PPARD: variants seen among roughly 807,000 people sequenced by gnomAD.
PPARD encodes the protein peroxisome proliferator activated receptor delta.
PPARD carries 6 observed loss-of-function variants against 39.5 expected under a neutral mutation model. The observed-to-expected ratio is 0.15, with a 90% CI of 0.08 to 0.30. The LOEUF is 0.30. Among genes scored for constraint, PPARD ranks in the 10% least tolerant of loss-of-function variants. PPARD has a pLI of 1.00. For synonymous variants in PPARD, 210 were observed against 231.3 expected (o/e 0.91, Z 0.83); for missense variants, 397 against 596.8 (o/e 0.67, Z 3.49).
intron 2 of PPARD, among the ~76,000 whole-genome samples, chr6:35,350,970 C>T (rs561688129): frequency 9.2e-5 from 14 of 151,506 alleles, no homozygotes; most frequent in South Asian, 2.1e-4. Flanking sequence ...TATTATAAAA[C>T]AGCATTCTCA....
chr6:35,402,739 A>G (rs1764785641), intron 2 of PPARD, among the ~76,000 whole-genome samples: 1 of 152,076 alleles, frequency 6.6e-6, no homozygotes, highest in Non-Finnish European at 1.5e-5. Flanking sequence ...TGTCCTTAAG[A>G]GGGTGGGGTG....
intron 2 of PPARD, among the ~76,000 whole-genome samples, chr6:35,365,642 C>T (rs1005015780): frequency 4.0e-5 from 6 of 151,426 alleles, no homozygotes; most frequent in African/African-American, 9.8e-5. Context: ...AGGCATGTGC[C>T]ATCATGCCCA....
intron 2 of PPARD, among the ~76,000 whole-genome samples, chr6:35,397,270 G>A (rs980196874): frequency 6.7e-6 from 1 of 149,922 alleles, no homozygotes; most frequent in Non-Finnish European, 1.5e-5. Flanking sequence ...CTCAGCAAGA[G>A]GATTGTATAG....
intron 2 of PPARD, among the ~76,000 whole-genome samples, chr6:35,389,778 A>G (rs1294099126): frequency 6.6e-6 from 1 of 152,262 alleles, no homozygotes; most frequent in Non-Finnish European, 1.5e-5. Context: ...GTAAAATGCA[A>G]TAGCAAGAAA....
intron 2 of PPARD, among the ~76,000 whole-genome samples, chr6:35,357,806 G>A (rs770208394): frequency 6.6e-6 from 1 of 152,138 alleles, no homozygotes; most frequent in Non-Finnish European, 1.5e-5. Context: ...CAAAGTGCTA[G>A]TATTACAGTC....
chr6:35,360,306 AAG>A lies in PPARD; in HGVS notation c.-102+13160_-102+13161del, dbSNP rs555805374. ...AACAGCTTCAGTCTGGTGAAGTGAA[AAG>A]AGAAAAGTTGGCCCAGATGTGCACA... On this transcript the variant is annotated intron_variant, in intron 2 of 7. Coordinates refer to ENST00000360694, the MANE Select transcript of PPARD (RefSeq NM_006238.5). Among the ~76,000 whole-genome samples, 31 of 152,322 alleles carry A rather than the reference AAG, an allele frequency of 2.0e-4. 1 individual carries two copies. The East Asian group carries it at 5.6e-3, about 27-fold the overall frequency.
intron 2 of PPARD, among the ~76,000 whole-genome samples, chr6:35,392,142 G>A (rs994769691): frequency 1.3e-5 from 2 of 152,052 alleles, no homozygotes; most frequent in African/African-American, 2.4e-5. Flanking sequence ...ATGGGCCAGT[G>A]CCAGCACCAG....
chr6:35,342,890 G>A (rs1279925531), intron 1 of PPARD, among the ~76,000 whole-genome samples: 1 of 152,098 alleles, frequency 6.6e-6, no homozygotes, highest in Non-Finnish European at 1.5e-5. Context: ...TAGGCGCCCC[G>A]CTGACCCTGC....
At position 35,410,975 on chromosome 6, in the gene PPARD, T is replaced by C; in HGVS notation, c.-101-12T>C. The stretch of plus-strand genomic sequence containing the variant: ...CCTCCCCTGACCTCTTCCTGTCTTC[T>C]CCTCTGCCCAGGCTGATGGGAACCA... On this transcript the variant is annotated splice_polypyrimidine_tract_variant and intron_variant, in intron 2 of 7. Coordinates refer to ENST00000360694, the MANE Select transcript of PPARD (RefSeq NM_006238.5). 7.9e-7 allele frequency: 1 copy of C among 1,270,800 alleles called. No individual in the cohort carries two copies. The highest frequency in any genetic ancestry group is 3.1e-5 in the East Asian group (1 of 32,640). 78.7% of individuals were successfully genotyped at this position (1,270,800 alleles called of 1,614,324 possible).
intron 2 of PPARD, among the ~76,000 whole-genome samples, chr6:35,377,254 A>G (rs1045885684): frequency 1.3e-5 from 2 of 152,174 alleles, no homozygotes; most frequent in African/African-American, 4.8e-5. Flanking sequence ...CTTCTCGCAC[A>G]TAGGCATTTC....
intron 2 of PPARD, among the ~76,000 whole-genome samples, chr6:35,393,980 C>G (rs1198545720): frequency 1.3e-5 from 2 of 152,230 alleles, no homozygotes; most frequent in Non-Finnish European, 2.9e-5. Context: ...GCTGCCTTTA[C>G]TCGAGTGAGA....
At chr6:35,346,294 G>C (rs1318691614) in intron 1 of PPARD, among the ~76,000 whole-genome samples, 1 of 152,120 alleles carries the variant, frequency 6.6e-6, no homozygotes, top group East Asian at 1.9e-4. Context: ...TGCCTCTGAA[G>C]GGCTTGGAAA....
At chr6:35,410,951 C>G (rs1765384151) in intron 2 of PPARD, 36 bp from the exon 3 acceptor site, 1 of 1,258,508 alleles carries the variant, frequency 7.9e-7, no homozygotes, top group Non-Finnish European at 1.0e-6. Flanking sequence ...TTGTCACTGC[C>G]TCCCCTGACC....
chr6:35,411,752 T>G (rs952179263), intron 3 of PPARD, among the ~76,000 whole-genome samples: 1 of 152,182 alleles, frequency 6.6e-6, no homozygotes, highest in Non-Finnish European at 1.5e-5. Flanking sequence ...AGCCAAGCAG[T>G]TGTAGCTTCT....
intron 2 of PPARD, among the ~76,000 whole-genome samples, chr6:35,396,866 G>C (rs1180988709): frequency 6.6e-6 from 1 of 152,044 alleles, no homozygotes; most frequent in South Asian, 2.1e-4. Flanking sequence ...TTTCTGTGTT[G>C]CCCAGGGTGG....
chr6:35,372,455 A>G (rs1762536766), intron 2 of PPARD, among the ~76,000 whole-genome samples: 1 of 152,226 alleles, frequency 6.6e-6, no homozygotes, highest in South Asian at 2.1e-4. Flanking sequence ...CTGGGATTAC[A>G]GGTGTGAGCC....
At chr6:35,399,341 A>G (rs1054946883) in intron 2 of PPARD, among the ~76,000 whole-genome samples, 1 of 146,642 alleles carries the variant, frequency 6.8e-6, no homozygotes, top group Admixed American at 7.0e-5. Flanking sequence ...CAGAGTTTGC[A>G]CTGAGCTGAG....
Position 35,424,040 on chromosome 6 carries a change from C to T in PPARD, c.519C>T (p.Ala173=), listed in dbSNP as rs765919844. The T allele has an allele frequency of 9.3e-6, 15 of 1,614,044 alleles. No individual in the cohort carries two copies. The highest frequency in any genetic ancestry group is 1.6e-4 in the Middle Eastern group (1 of 6,084). Residue 173 remains alanine (A), a synonymous_variant, in exon 6 of 8, where the codon GCC becomes GCT. Transcript: ENST00000360694. The surrounding 1 kb of genome is among the most constrained non-coding windows in gnomAD (Gnocchi z 7.1). The stretch of plus-strand genomic sequence containing the variant: ...GGAGCCAGTACAACCCACAGGTGGC[C>T]GACCTGAAGGCCTTCTCCAAGCACA... ...NEGSQYNPQV[A]DLKAFSKHIY... is the part of the protein sequence containing the mutation.
At chr6:35,423,650 C>A (rs751712946) in intron 5 of PPARD, among the ~76,000 whole-genome samples, 7 of 152,184 alleles carry the variant, frequency 4.6e-5, no homozygotes, top group Non-Finnish European at 8.8e-5. Context: ...CTGTCTTACC[C>A]CAGCTAGCGT....
Sources: gnomAD v4.1 joint callset for allele counts (sites outside exome capture counted in the v4.1 genomes callset) on GRCh38, gnomAD v4.1.1 for gene constraint, Gnocchi (gnomAD v3.1) non-coding constraint, MANE v1.5 for transcripts, NCBI Gene and HGNC (gene_info 2026-07-23, HGNC 2026-07-21) for gene names.